The following P4HA1 variants were observed in gnomAD, a reference collection of about 807,000 sequenced individuals.
P4HA1 encodes the protein prolyl 4-hydroxylase subunit alpha 1.
P4HA1 carries 24 observed loss-of-function variants against 72.8 expected under a neutral mutation model. The observed-to-expected ratio is 0.33, with a 90% CI of 0.24 to 0.46. P4HA1 has a LOEUF of 0.46. P4HA1 is among the 20% of genes least tolerant of loss of function. The pLI is 1.00. For synonymous variants in P4HA1, 201 were observed against 218.8 expected, an observed-to-expected ratio of 0.92 and a Z score of 0.72; for missense variants, 446 against 640.6, an observed-to-expected ratio of 0.70 and a Z score of 3.28.
chr10:73,091,697 A>G (rs776921787), intron 1 of P4HA1, among the ~76,000 whole-genome samples: 1 of 152,150 alleles, frequency 6.6e-6, no homozygotes, highest in Non-Finnish European at 1.5e-5. Flanking sequence ...CTTGGGTTTT[A>G]CTGAAGTTCC....
intron 10 of P4HA1, among the ~76,000 whole-genome samples, chr10:73,025,535 C>A (rs1564621408): frequency 6.6e-6 from 1 of 151,562 alleles, no homozygotes; most frequent in Non-Finnish European, 1.5e-5. Context: ...ACTGGAAGCA[C>A]TGTTTGAAAT....
intron 5 of P4HA1, among the ~76,000 whole-genome samples, chr10:73,063,683 C>CA (rs1180540761): frequency 6.6e-6 from 1 of 152,164 alleles, no homozygotes; most frequent in Non-Finnish European, 1.5e-5. Context: ...TTAATCCACG[C>CA]AGATAGCACC....
In P4HA1 at chr10:73,007,880, C is replaced by A; in HGVS notation, c.*342G>T. On this transcript the variant is annotated 3_prime_UTR_variant, in exon 15 of 15. Transcript: ENST00000394890. ...CACACAGCCCATTCTAGCTTAACAC[C>A]CACCAACTGAGATGTAGTGAAATAC... The A allele has an allele frequency of 5.2e-6, 1 of 192,358 alleles. No individual in the cohort carries two copies. The highest frequency in any genetic ancestry group is 1.1e-5 in the Non-Finnish European group (1 of 91,820). The allele number at this position is 192,358 out of a possible 1,614,324, so 11.9% of individuals were successfully genotyped here. A position where few individuals can be genotyped will look rare whatever the true frequency, so the allele number is the denominator to read the frequency against.
chr10:73,071,896 CA>C, intron 4 of P4HA1, 132 bp downstream of exon 4: 1 of 577,508 alleles, frequency 1.7e-6, no homozygotes, highest in African/African-American at 1.9e-5. Flanking sequence ...CTATTCAAAC[CA>C]AATGCACCCA....
rs35159575 is a variant in P4HA1, at chr10:73,095,227, T to TAAA, written c.-33+1536_-33+1538dup. On this transcript the variant is annotated intron_variant, in intron 1 of 14. Transcript: ENST00000394890. Reference sequence around the variant, plus strand: ...AGATTCTTAAATTACGCTCACAAGCTAAAAAAAAAAAAAAAAAAAAAAAAA... The same window carrying TAAA: ...AGATTCTTAAATTACGCTCACAAGCTAAAAAAAAAAAAAAAAAAAAAAAAAAAA... 5.9e-4 allele frequency among the ~76,000 whole-genome samples: 40 copies of TAAA among 67,330 alleles called. 1 individual carries two copies. Among genetic ancestry groups the TAAA allele is most frequent in the Non-Finnish European group, 1.1e-3 (31 of 27,772 alleles). 44.2% of individuals were successfully genotyped at this position (67,330 alleles called of 152,430 possible).
At position 73,010,951 on chromosome 10, in the gene P4HA1, C is replaced by T; in HGVS notation, c.1437+18G>A. 1 of 1,603,206 alleles carries T rather than the reference C, an allele frequency of 6.2e-7. No homozygotes were observed. The highest frequency in any genetic ancestry group is 8.5e-7 in the Non-Finnish European group (1 of 1,171,204). On this transcript the variant is annotated intron_variant, in intron 13 of 14. Transcript: ENST00000394890. The stretch of plus-strand genomic sequence containing the variant: ...AGGGAAAAAATTAATAAACCAAAAA[C>T]AAAACAAACAGGCTTACTTTTTTGG...
chr10:73,055,846 A>G (rs1841133874), intron 5 of P4HA1, among the ~76,000 whole-genome samples: 2 of 152,236 alleles, frequency 1.3e-5, no homozygotes, highest in Admixed American at 1.3e-4. Flanking sequence ...TTTGTCACTT[A>G]TTTAATCCTC....
chr10:73,058,657 A>G (rs1841218265), intron 5 of P4HA1, among the ~76,000 whole-genome samples: 1 of 152,204 alleles, frequency 6.6e-6, no homozygotes, highest in Admixed American at 6.5e-5. Context: ...GAACCTCCAC[A>G]AAATAGAGTA....
At chr10:73,085,218 A>G (rs1456872147) in intron 1 of P4HA1, among the ~76,000 whole-genome samples, 1 of 152,168 alleles carries the variant, frequency 6.6e-6, no homozygotes, top group African/African-American at 2.4e-5. Context: ...CTTAGATATG[A>G]CGCCTAAAGC....
At chr10:73,060,240 T>A (rs965845526) in intron 5 of P4HA1, among the ~76,000 whole-genome samples, 3 of 152,174 alleles carry the variant, frequency 2.0e-5, no homozygotes, top group African/African-American at 7.2e-5. Flanking sequence ...CATGTTAATA[T>A]CCTTAGGAAC....
chr10:73,093,485 C>A (rs1349501200), intron 1 of P4HA1, among the ~76,000 whole-genome samples: 1 of 152,022 alleles, frequency 6.6e-6, no homozygotes, highest in African/African-American at 2.4e-5. Flanking sequence ...ACTAGAGAAA[C>A]TGAAGCTGTC....
At chr10:73,010,257 C>A (rs192682290) in intron 13 of P4HA1, among the ~76,000 whole-genome samples, 1 of 152,098 alleles carries the variant, frequency 6.6e-6, no homozygotes, top group Non-Finnish European at 1.5e-5. Flanking sequence ...CGTGAGCCAC[C>A]GTGCCCGGCC....
rs139868373 is a variant in P4HA1, at chr10:73,008,073, T to C, written c.*149A>G. ...TTAAAAGAACCCACAAAGTAAGCAA[T>C]TGTCCACAGATGAAACATGGGATGA... On this transcript the variant is annotated 3_prime_UTR_variant, in exon 15 of 15. Coordinates refer to ENST00000394890, the MANE Select transcript of P4HA1 (RefSeq NM_001017962.3). The C allele has an allele frequency of 3.5e-3, 1,634 of 464,892 alleles. 7 individuals are homozygous for C. Among genetic ancestry groups the C allele is most frequent in the Admixed American group, 0.01 (289 of 27,958 alleles). 28.8% of individuals were successfully genotyped at this position (464,892 alleles called of 1,614,324 possible).
intron 10 of P4HA1, among the ~76,000 whole-genome samples, chr10:73,024,082 CAG>C (rs2133051067): frequency 6.6e-6 from 1 of 152,262 alleles, no homozygotes; most frequent in African/African-American, 2.4e-5. Context: ...ATCAACAAGA[CAG>C]AAGGTTAACA....
chr10:73,026,275 A>C (rs1394105701), intron 10 of P4HA1, among the ~76,000 whole-genome samples: 1 of 152,240 alleles, frequency 6.6e-6, no homozygotes, highest in Non-Finnish European at 1.5e-5. Flanking sequence ...CCAATAGAAC[A>C]GAACAGAGGC....
chr10:73,052,048 A>G (rs1841032566), intron 6 of P4HA1, among the ~76,000 whole-genome samples: 1 of 152,192 alleles, frequency 6.6e-6, no homozygotes, highest in Admixed American at 6.5e-5. Context: ...TCAGTCCCAA[A>G]TTTCTAAGTA....
chr10:73,069,606 C>T (rs1458237225), intron 4 of P4HA1, among the ~76,000 whole-genome samples: 8 of 151,946 alleles, frequency 5.3e-5, no homozygotes, highest in South Asian at 2.1e-4. Flanking sequence ...ATATATAAAC[C>T]TAATCTTAGA....
intron 1 of P4HA1, among the ~76,000 whole-genome samples, chr10:73,087,082 A>G (rs184605585): frequency 2.5e-3 from 378 of 152,108 alleles, no homozygotes; most frequent in African/African-American, 8.6e-3. Context: ...CAAAGTAGCT[A>G]CACTATTTGC....
chr10:73,042,647 CT>C (rs765489216), intron 9 of P4HA1, among the ~76,000 whole-genome samples: 7,988 of 146,066 alleles, frequency 0.055, 631 homozygotes, highest in African/African-American at 0.18. Context: ...CATTTTACAT[CT>C]TTTTTTTTTT....
Sources: allele counts gnomAD v4.1 joint callset (sites outside exome capture counted in the v4.1 genomes callset), GRCh38; gene constraint gnomAD v4.1.1; transcripts MANE v1.5; gene names NCBI Gene and HGNC (gene_info 2026-07-23, HGNC 2026-07-21).